CA14: variants seen among roughly 807,000 people sequenced by gnomAD.
The protein encoded by CA14 is CA-XIV.
A neutral mutation model predicts 48.8 loss-of-function variants in CA14; 44 were observed. The ratio of observed to expected loss-of-function variants is 0.90; its 90% CI spans 0.71 to 1.16. The LOEUF is 1.16. CA14 is among the 50% of genes most tolerant of loss of function. The pLI is 0.00. For missense variants in CA14, 386 were observed against 401.0 expected, an observed-to-expected ratio of 0.96 and a Z score of 0.32; for synonymous variants, 154 against 155.0, an observed-to-expected ratio of 0.99 and a Z score of 0.05.
At chr1:150,261,428 C>T in intron 2 of CA14, 31 bp from the exon 3 acceptor site, 1 of 1,600,536 alleles carries the variant, frequency 6.2e-7, no homozygotes, top group African/African-American at 1.3e-5. Flanking sequence ...AGCTGGAGGA[C>T]AGGACCAATG....
chr1:150,263,285 C>G lies in CA14; in HGVS notation c.721-14C>G. The stretch of plus-strand genomic sequence containing the variant: ...TCCCCAAAGTAACACCTCTCCCACG[C>G]TTCTGCTCCTCAGCTGGAAAAGCTT... On this transcript the variant is annotated splice_polypyrimidine_tract_variant and intron_variant, in intron 7 of 10. Transcript: ENST00000369111. 1 of 1,614,144 alleles carries G rather than the reference C, an allele frequency of 6.2e-7. No homozygotes were observed. The highest frequency in any genetic ancestry group is 8.5e-7 in the Non-Finnish European group (1 of 1,179,984).
intron 9 of CA14, 25 bp downstream of exon 9, chr1:150,263,704 C>T (rs782633248): frequency 4.3e-6 from 7 of 1,613,620 alleles, no homozygotes; most frequent in African/African-American, 4.0e-5. Flanking sequence ...TAAGATAATG[C>T]GGGGAGGGGA....
chr1:150,261,495 C>G lies in CA14; in HGVS notation c.113C>G (p.Pro38Arg). 1 of 1,614,162 alleles carries G rather than the reference C, an allele frequency of 6.2e-7. No homozygotes were observed. ...CAGGACCATTGGCCAGCCTCTTACC[C>G]TGAGTGTGGAAACAATGCCCAGTCG... ...HGQDHWPASYPECGNNAQSPI... is the reference protein window; with the variant it reads ...HGQDHWPASYRECGNNAQSPI... Residue 38 changes from proline (P) to arginine (R), a missense_variant, in exon 3 of 11, where the codon CCT becomes CGT. Pro to Arg is a moderately radical substitution (Grantham distance 103, BLOSUM62 -2). Transcript: ENST00000369111.
At chr1:150,258,388 G>A (rs782430117) in intron 1 of CA14, among the ~76,000 whole-genome samples, 3 of 152,128 alleles carry the variant, frequency 2.0e-5, no homozygotes, top group Non-Finnish European at 4.4e-5. Context: ...ATTGGAGGTC[G>A]GGGAGAACTA....
At chr1:150,259,891 G>A (rs587653717) in intron 1 of CA14, among the ~76,000 whole-genome samples, 33 of 152,224 alleles carry the variant, frequency 2.2e-4, no homozygotes, top group African/African-American at 7.9e-4. Flanking sequence ...TAGTCTCTGG[G>A]CTTTACCTCT....
chr1:150,263,893 T>G lies in CA14; in HGVS notation c.947+15T>G, dbSNP rs1344526617. Reference sequence around the variant, plus strand: ...AGAAAGATTCGGTGAGGCCCTACTTTCCATTCCTCCAGTCCCTTCTTCTTT... The same window carrying G: ...AGAAAGATTCGGTGAGGCCCTACTTGCCATTCCTCCAGTCCCTTCTTCTTT... On this transcript the variant is annotated intron_variant, in intron 10 of 10. Coordinates refer to ENST00000369111, the MANE Select transcript of CA14 (RefSeq NM_012113.3). The G allele has an allele frequency of 1.3e-6, 2 of 1,545,066 alleles. No individual in the cohort carries two copies. The highest frequency in any genetic ancestry group is 1.7e-5 in the Admixed American group (1 of 58,068).
Position 150,262,031 on chromosome 1 carries a change from G to A in CA14, c.257-127G>A, listed in dbSNP as rs782739395. 3.9e-4 allele frequency: 407 copies of A among 1,048,046 alleles called. 4 individuals are homozygous for A. Among genetic ancestry groups the A allele is most frequent in the Non-Finnish European group, 7.4e-5 (51 of 691,344 alleles). The allele number at this position is 1,048,046 out of a possible 1,614,324, so 64.9% of individuals were successfully genotyped here. On this transcript the variant is annotated intron_variant, in intron 3 of 10. Coordinates refer to ENST00000369111, the MANE Select transcript of CA14 (RefSeq NM_012113.3). ...ATGCTAGAAAAGCACTGGCCTATGG[G>A]AGGAACTGGGTGCTACTGGGGGAGA...
chr1:150,259,183 G>T (rs587660598), intron 1 of CA14, among the ~76,000 whole-genome samples: 1 of 152,214 alleles, frequency 6.6e-6, no homozygotes, highest in African/African-American at 2.4e-5. Context: ...TCAAGGATAA[G>T]AGCAGGACAT....
chr1:150,261,093 ACTC>A (rs1330063664), intron 2 of CA14: 1 of 193,400 alleles, frequency 5.2e-6, no homozygotes, highest in Non-Finnish European at 1.1e-5. Context: ...CCATTTTTCT[ACTC>A]CTACTCTCTA....
intron 2 of CA14, 82 bp from the exon 3 acceptor site, chr1:150,261,377 G>A (rs996209007): frequency 4.7e-6 from 6 of 1,280,378 alleles, no homozygotes; most frequent in Non-Finnish European, 6.7e-6. Context: ...CTTGGTTAGG[G>A]GAAGGGTCAA....
chr1:150,263,141 G>A lies in CA14; in HGVS notation c.662G>A (p.Cys221Tyr). The change falls in exon 7 of 11, where the codon TGC becomes TAC. Residue 221 changes from cysteine to tyrosine, a missense_variant. Cys to Tyr is a radical substitution (Grantham distance 194, BLOSUM62 -2). Coordinates refer to ENST00000369111, the MANE Select transcript of CA14 (RefSeq NM_012113.3). The part of the protein sequence containing the change: ...RYNGSLTTPP[C>Y]YQSVLWTVFY... Reference sequence around the variant, plus strand: ...AATGGCTCGCTCACAACTCCCCCTTGCTACCAGAGTGTGCTCTGGACAGTT... The same window carrying A: ...AATGGCTCGCTCACAACTCCCCCTTACTACCAGAGTGTGCTCTGGACAGTT... 1 of 1,614,112 alleles carries A rather than the reference G, an allele frequency of 6.2e-7. No individual in the cohort carries two copies. The highest frequency in any genetic ancestry group is 1.1e-5 in the South Asian group (1 of 91,080).
chr1:150,262,473 C>T, intron 4 of CA14, 52 bp from the exon 5 acceptor site: 3 of 1,531,630 alleles, frequency 2.0e-6, no homozygotes, highest in Non-Finnish European at 2.7e-6. Context: ...GGATCAAGGC[C>T]TTGAAGGGGG....
chr1:150,259,159 G>T (rs1193723201), intron 1 of CA14, among the ~76,000 whole-genome samples: 2 of 152,178 alleles, frequency 1.3e-5, no homozygotes, highest in Non-Finnish European at 2.9e-5. Context: ...TCTCCCTTGG[G>T]CTAGCAGAAT....
rs183441903 is a variant in CA14 at position 150,263,865 on chromosome 1, G to A, written c.934G>A (p.Ala312Thr). The change falls in exon 10 of 11, where the codon GCT (alanine) becomes ACT (threonine). Residue 312 changes from alanine to threonine, a missense_variant. By Grantham distance (58) the Ala-to-Thr change is moderately conservative. Transcript: ENST00000369111. ...LCLLLAVYFI[A>T]RKIRKKRLEN... Reference sequence around the variant, plus strand: ...CCTTCTCCTGGCTGTTTATTTCATTGCTAGAAAGATTCGGTGAGGCCCTAC... The same window carrying A: ...CCTTCTCCTGGCTGTTTATTTCATTACTAGAAAGATTCGGTGAGGCCCTAC... 2.9e-4 allele frequency: 466 copies of A among 1,611,460 alleles called. 5 individuals carry two copies. In the East Asian group the frequency reaches 9.6e-3, roughly 33 times the overall value.
intron 10 of CA14, 37 bp downstream of exon 10, chr1:150,263,915 CTTTTT>C (rs34291619): frequency 8.1e-5 from 70 of 859,662 alleles, no homozygotes; most frequent in Non-Finnish European, 9.8e-5. Context: ...GTCCCTTCTT[CTTTTT>C]TTTTTTTTTT....
Position 150,258,035 on chromosome 1 carries a change from T to G in CA14, c.-94T>G. 1.1e-6 allele frequency: 1 copy of G among 883,382 alleles called. No homozygotes were observed. Among genetic ancestry groups the G allele is most frequent in the Non-Finnish European group, 1.7e-6 (1 of 586,060 alleles). The allele number at this position is 883,382 out of a possible 1,614,324, so 54.7% of individuals were successfully genotyped here. ...ACGCCAGGAGCTCGCTCGCTCTCTC[T>G]CTCTCTCTCTCACTCCTCCCTCCCT... On this transcript the variant is annotated 5_prime_UTR_variant, in exon 1 of 11. Transcript: ENST00000369111.
At chr1:150,262,396 G>A (rs1369779941) in intron 4 of CA14, 96 bp downstream of exon 4, 3 of 1,512,492 alleles carry the variant, frequency 2.0e-6, no homozygotes, top group Non-Finnish European at 1.8e-6. Context: ...ATGCTGGGGG[G>A]ATAAGGCCAA....
chr1:150,262,066 G>A lies in CA14; in HGVS notation c.257-92G>A, dbSNP rs1651082429. On this transcript the variant is annotated intron_variant, in intron 3 of 10. Coordinates refer to ENST00000369111, the MANE Select transcript of CA14 (RefSeq NM_012113.3). Reference sequence around the variant, plus strand: ...GTGCTACTGGGGGAGAAAACTGGAAGAGGGCCAAGTCTCCCAAGAAGTGGT... The same window carrying A: ...GTGCTACTGGGGGAGAAAACTGGAAAAGGGCCAAGTCTCCCAAGAAGTGGT... 5 of 1,475,260 alleles carry A rather than the reference G, an allele frequency of 3.4e-6. No homozygotes were observed. The South Asian group carries it at 4.7e-5, about 14-fold the overall frequency. 91.4% of individuals were successfully genotyped at this position (1,475,260 alleles called of 1,614,324 possible).
intron 2 of CA14, 39 bp downstream of exon 2, chr1:150,260,210 C>G (rs782593041): frequency 2.9e-5 from 47 of 1,604,678 alleles, no homozygotes; most frequent in Non-Finnish European, 3.6e-5. Flanking sequence ...CCCTTTCACA[C>G]TGGGACCTCC....
Sources: gnomAD v4.1 joint callset for allele counts (sites outside exome capture counted in the v4.1 genomes callset) on GRCh38, gnomAD v4.1.1 for gene constraint, MANE v1.5 for transcripts, NCBI Gene and HGNC (gene_info 2026-07-23, HGNC 2026-07-21) for gene names.